MAP3K5: variants seen among roughly 807,000 people sequenced by gnomAD.
MAP3K5 encodes ASK-1.
A neutral mutation model predicts 158.7 loss-of-function variants in MAP3K5; 56 were observed. The ratio of observed to expected loss-of-function variants is 0.35; its 90% CI spans 0.28 to 0.44. The LOEUF (loss-of-function observed/expected upper bound fraction) is 0.44. Among genes scored for constraint, MAP3K5 ranks in the 20% least tolerant of loss-of-function variants. MAP3K5 has a pLI of 1.00. For synonymous variants in MAP3K5, 579 were observed against 601.7 expected (o/e 0.96, Z 0.55); for missense variants, 1,294 against 1,674.8 (o/e 0.77, Z 3.97).
At chr6:136,756,645 G>T (rs1298314442) in intron 1 of MAP3K5, among the ~76,000 whole-genome samples, 3 of 152,134 alleles carry the variant, frequency 2.0e-5, no homozygotes, top group Admixed American at 6.5e-5. Flanking sequence ...AAAAGGAGTG[G>T]TCAGCCCCTT....
At chr6:136,771,393 G>A (rs1318964446) in intron 1 of MAP3K5, among the ~76,000 whole-genome samples, 1 of 152,096 alleles carries the variant, frequency 6.6e-6, no homozygotes, top group Non-Finnish European at 1.5e-5. Flanking sequence ...CTAAAACAAA[G>A]CCAGAGCAGA....
chr6:136,683,191 T>C (rs547772911), intron 7 of MAP3K5, among the ~76,000 whole-genome samples: 44 of 152,342 alleles, frequency 2.9e-4, no homozygotes, highest in African/African-American at 1.0e-3. Context: ...AAGAGGTTAG[T>C]CTAAACCGGT....
At chr6:136,776,143 C>T (rs931405875) in intron 1 of MAP3K5, among the ~76,000 whole-genome samples, 1 of 152,212 alleles carries the variant, frequency 6.6e-6, no homozygotes, top group Non-Finnish European at 1.5e-5. Flanking sequence ...CAAGGAGATA[C>T]ATCAATATCT....
At chr6:136,560,721 G>C (rs570859202) in intron 28 of MAP3K5, among the ~76,000 whole-genome samples, 67 of 152,188 alleles carry the variant, frequency 4.4e-4, no homozygotes, top group African/African-American at 1.6e-3. Flanking sequence ...GCTGAGGTGA[G>C]AGAATCGCTT....
intron 1 of MAP3K5, among the ~76,000 whole-genome samples, chr6:136,791,081 CTTA>C: frequency 6.6e-6 from 1 of 152,230 alleles, no homozygotes; most frequent in East Asian, 1.9e-4. Context: ...CACCAAAATC[CTTA>C]CAAAGATAAC....
chr6:136,744,824 TG>T (rs961954454), intron 1 of MAP3K5, among the ~76,000 whole-genome samples: 2 of 152,204 alleles, frequency 1.3e-5, no homozygotes, highest in Admixed American at 6.5e-5. Flanking sequence ...TTACTTGGTC[TG>T]GGGTGTAGGG....
chr6:136,705,888 G>A lies in MAP3K5; in HGVS notation c.589-755C>T, dbSNP rs1036980611. 2.0e-4 allele frequency among the ~76,000 whole-genome samples: 31 copies of A among 152,134 alleles called. 1 individual carries two copies. Among genetic ancestry groups the A allele is most frequent in the Admixed American group, 1.3e-4 (2 of 15,272 alleles). ...CTAGAAATAAAGGGTATTGGCCACC[G>A]GCAAATCCACACACAGATAATCAAG... is the stretch of plus-strand genomic sequence containing the variant. On this transcript the variant is annotated intron_variant, in intron 2 of 29. Transcript: ENST00000359015.
At chr6:136,610,156 A>G (rs1479124730) in intron 18 of MAP3K5, among the ~76,000 whole-genome samples, 1 of 151,584 alleles carries the variant, frequency 6.6e-6, no homozygotes, top group Non-Finnish European at 1.5e-5. Flanking sequence ...TTTTCCTGCT[A>G]AATTTCTCTC....
chr6:136,639,444 T>C lies in MAP3K5; in HGVS notation c.1934+99A>G, dbSNP rs567083806. ...CAAATAAAATATTTATATAACCACATAGCCATGCATTCTTCACAGGAGGTA... is the reference window on the plus strand; with the variant it reads ...CAAATAAAATATTTATATAACCACACAGCCATGCATTCTTCACAGGAGGTA... On this transcript the variant is annotated intron_variant, in intron 13 of 29. Coordinates refer to ENST00000359015, the MANE Select transcript of MAP3K5 (RefSeq NM_005923.4). 8.2e-6 allele frequency: 5 copies of C among 613,314 alleles called. No homozygotes were observed. In the East Asian group the frequency reaches 1.0e-4, roughly 12 times the overall value. 38.0% of individuals were successfully genotyped at this position (613,314 alleles called of 1,614,324 possible).
chr6:136,582,589 C>A (rs1013555237), intron 24 of MAP3K5, among the ~76,000 whole-genome samples: 1 of 152,154 alleles, frequency 6.6e-6, no homozygotes, highest in Non-Finnish European at 1.5e-5. Context: ...AGCATAAAGA[C>A]CAAGTGGCTT....
rs182118826 is a variant in MAP3K5 at position 136,725,241 on chromosome 6, T to C, written c.449-4652A>G. Among the ~76,000 whole-genome samples the C allele has an allele frequency of 1.3e-3, 200 of 152,336 alleles. 1 individual carries two copies. Among genetic ancestry groups the C allele is most frequent in the Non-Finnish European group, 1.9e-3 (132 of 68,028 alleles). Reference sequence around the variant, plus strand: ...ACCTAGGAGTAGGATTACTGGGTCATAGGTAAGGGTATGTTTACCTTAATA... The same window carrying C: ...ACCTAGGAGTAGGATTACTGGGTCACAGGTAAGGGTATGTTTACCTTAATA... On this transcript the variant is annotated intron_variant, in intron 1 of 29. Coordinates refer to ENST00000359015, the MANE Select transcript of MAP3K5 (RefSeq NM_005923.4).
rs748703287 is a variant in MAP3K5 at position 136,613,564 on chromosome 6, C to T, written c.2279-308G>A. ...GAAATTACATAATTCACATGTAAAG[C>T]TTCTAGAACTTTAAATTATTTGAGC... On this transcript the variant is annotated intron_variant, in intron 16 of 29. Transcript: ENST00000359015. The surrounding 1 kb of genome is among the most constrained non-coding windows in gnomAD (Gnocchi z 4.0). Among the ~76,000 whole-genome samples the T allele has an allele frequency of 6.6e-6, 1 of 152,008 alleles. No individual in the cohort carries two copies. Among genetic ancestry groups the T allele is most frequent in the Non-Finnish European group, 1.5e-5 (1 of 68,002 alleles).
At position 136,792,233 on chromosome 6, in the gene MAP3K5, G is replaced by C; in HGVS notation, c.-76C>G. 7.2e-7 allele frequency: 1 copy of C among 1,395,472 alleles called. No homozygotes were observed. The highest frequency in any genetic ancestry group is 3.6e-5 in the Admixed American group (1 of 27,540). The allele number at this position is 1,395,472 out of a possible 1,614,324, so 86.4% of individuals were successfully genotyped here. On this transcript the variant is annotated 5_prime_UTR_variant, in exon 1 of 30. Transcript: ENST00000359015. The surrounding 1 kb of genome is among the most constrained non-coding windows in gnomAD (Gnocchi z 5.7). ...GCCTGGCCAGCCACAGCTCGGGGCT[G>C]CTCCGCGCCCGCCGGGCTAAGCAGC...
chr6:136,560,110 C>A (rs1159860317), intron 28 of MAP3K5, among the ~76,000 whole-genome samples: 2 of 151,978 alleles, frequency 1.3e-5, no homozygotes, highest in Non-Finnish European at 1.5e-5. Flanking sequence ...GTCTTTCTAT[C>A]AAATATTACA....
rs570186848 is a variant in MAP3K5, at chr6:136,759,454, CTATATATATA to C, written c.448+32246_448+32255del. ...TCCTAAAATAACCTTTATACTAAAACTATATATATATATATATATATATATATAAAGTTTG... is the reference window on the plus strand; with the variant it reads ...TCCTAAAATAACCTTTATACTAAAACTATATATATATATATATAAAGTTTG... On this transcript the variant is annotated intron_variant, in intron 1 of 29. Coordinates refer to ENST00000359015, the MANE Select transcript of MAP3K5 (RefSeq NM_005923.4). Among the ~76,000 whole-genome samples the C allele has an allele frequency of 3.4e-3, 332 of 98,116 alleles. 10 individuals carry two copies. Among genetic ancestry groups the C allele is most frequent in the Admixed American group, 0.028 (275 of 9,960 alleles). The allele number at this position is 98,116 out of a possible 152,430, so 64.4% of individuals were successfully genotyped here. A position where few individuals can be genotyped will look rare whatever the true frequency, so the allele number is the denominator to read the frequency against.
chr6:136,557,812 C>T lies in MAP3K5; in HGVS notation c.4071G>A (p.Gly1357=). 6.2e-7 allele frequency: 1 copy of T among 1,608,618 alleles called. No individual in the cohort carries two copies. The highest frequency in any genetic ancestry group is 2.2e-5 in the East Asian group (1 of 44,846). Residue 1357 remains glycine, a synonymous_variant, in exon 30 of 30, where the codon GGG becomes GGA. Coordinates refer to ENST00000359015, the MANE Select transcript of MAP3K5 (RefSeq NM_005923.4). ...DDLKCLRLRG[G]MLCTLWKAII... Reference sequence around the variant, plus strand: ...TAGCCTTCCACAGTGTGCACAGCATCCCTCCCCTGTTTAAAGACACAAGAA... The same window carrying T: ...TAGCCTTCCACAGTGTGCACAGCATTCCTCCCCTGTTTAAAGACACAAGAA...
At chr6:136,623,112 C>G (rs1776884488) in intron 14 of MAP3K5, 131 bp from the exon 15 acceptor site, 2 of 771,580 alleles carry the variant, frequency 2.6e-6, no homozygotes, top group South Asian at 3.3e-5. Flanking sequence ...TTCTAAGAAG[C>G]AGCTTCAAGG....
At chr6:136,632,831 T>A (rs1777438284) in intron 14 of MAP3K5, among the ~76,000 whole-genome samples, 1 of 152,188 alleles carries the variant, frequency 6.6e-6, no homozygotes, top group South Asian at 2.1e-4. Context: ...TGGTTAACTC[T>A]GATCAATTGT....
chr6:136,610,062 G>T (rs1183759809), intron 18 of MAP3K5, among the ~76,000 whole-genome samples: 2 of 152,110 alleles, frequency 1.3e-5, no homozygotes, highest in Non-Finnish European at 2.9e-5. Context: ...CTACCTCACA[G>T]AATTGAGATG....
Sources: gnomAD v4.1 joint callset for allele counts (sites outside exome capture counted in the v4.1 genomes callset) on GRCh38, gnomAD v4.1.1 for gene constraint, Gnocchi (gnomAD v3.1) non-coding constraint, MANE v1.5 for transcripts, NCBI Gene and HGNC (gene_info 2026-07-23, HGNC 2026-07-21) for gene names.